PKIB: variants seen among roughly 807,000 people sequenced by gnomAD.
PKIB encodes PKI-beta.
PKIB carries 2 observed loss-of-function variants against 4.5 expected under a neutral mutation model. That is an observed-to-expected ratio of 0.44 (90% CI 0.18 to 1.39). The LOEUF (loss-of-function observed/expected upper bound fraction) is 1.39. Ranked by LOEUF, PKIB falls within the 40% of genes most tolerant of loss-of-function variation. The probability of loss-of-function intolerance (pLI) is 0.27; values close to 1 mark genes in which losing one functional copy is unlikely to be tolerated. For synonymous variants in PKIB, 38 were observed against 36.0 expected (o/e 1.06, Z -0.20); for missense variants, 94 against 92.6 (o/e 1.02, Z -0.06).
intron 3 of PKIB, among the ~76,000 whole-genome samples, chr6:122,680,053 T>C (rs1290636444): frequency 1.3e-5 from 2 of 152,222 alleles, no homozygotes; most frequent in Non-Finnish European, 2.9e-5. Flanking sequence ...AGAACACAAA[T>C]AACTTGGGAC....
intron 2 of PKIB, among the ~76,000 whole-genome samples, chr6:122,659,520 A>G (rs1776903826): frequency 6.6e-6 from 1 of 150,510 alleles, no homozygotes; most frequent in South Asian, 2.1e-4. Flanking sequence ...AAAAGTACTG[A>G]GTAAACTTAA....
chr6:122,555,453 C>A (rs1261801064), intron 2 of PKIB, among the ~76,000 whole-genome samples: 1 of 152,122 alleles, frequency 6.6e-6, no homozygotes, highest in Non-Finnish European at 1.5e-5. Context: ...ATCTTGTAGA[C>A]AGCAGAGAGA....
intron 3 of PKIB, among the ~76,000 whole-genome samples, chr6:122,591,277 T>C (rs1388386643): frequency 6.6e-6 from 1 of 151,872 alleles, no homozygotes; most frequent in Non-Finnish European, 1.5e-5. Flanking sequence ...CTATATGCCT[T>C]TCCTATGAAT....
At chr6:122,678,190 A>C (rs952056610) in intron 3 of PKIB, among the ~76,000 whole-genome samples, 3 of 152,144 alleles carry the variant, frequency 2.0e-5, no homozygotes, top group African/African-American at 7.2e-5. Flanking sequence ...GAGCAAAACC[A>C]GCTTTTCTAG....
rs185624787 is a variant in PKIB at position 122,596,242 on chromosome 6, G to A, written c.-161+10235G>A. Reference sequence around the variant, plus strand: ...CTACAGCTGTCCACTTACGGGTGGTGCCAGCCTGTCATGCAGAACCATCTG... The same window carrying A: ...CTACAGCTGTCCACTTACGGGTGGTACCAGCCTGTCATGCAGAACCATCTG... On this transcript the variant is annotated intron_variant, in intron 3 of 6. Transcript: ENST00000392491. Among the ~76,000 whole-genome samples the A allele has an allele frequency of 3.4e-4, 52 of 152,278 alleles. 1 individual carries two copies. The East Asian group carries it at 8.7e-3, about 26-fold the overall frequency.
chr6:122,611,362 T>C (rs898629825), intron 1 of PKIB, among the ~76,000 whole-genome samples: 5 of 152,234 alleles, frequency 3.3e-5, no homozygotes, highest in Admixed American at 2.6e-4. Flanking sequence ...TCGGGTCCTT[T>C]AGAAAAGTGC....
At chr6:122,483,648 A>C (rs760330109) in intron 2 of PKIB, 2 of 152,250 alleles carry the variant, frequency 1.3e-5, no homozygotes, top group Non-Finnish European at 2.9e-5. Flanking sequence ...AACAATTTTT[A>C]GAAAAATGAC....
intron 3 of PKIB, among the ~76,000 whole-genome samples, chr6:122,706,636 A>G (rs1038483774): frequency 6.6e-6 from 1 of 152,106 alleles, no homozygotes; most frequent in Non-Finnish European, 1.5e-5. Context: ...TTTTATTTCT[A>G]TGATCGTCAG....
chr6:122,510,159 A>G (rs1354000997), intron 2 of PKIB, among the ~76,000 whole-genome samples: 1 of 152,174 alleles, frequency 6.6e-6, no homozygotes, highest in African/African-American at 2.4e-5. Flanking sequence ...GTATTTTCAA[A>G]TACTGAAAAG....
chr6:122,570,090 C>A (rs1437163017), intron 2 of PKIB, among the ~76,000 whole-genome samples: 1 of 152,222 alleles, frequency 6.6e-6, no homozygotes, highest in East Asian at 1.9e-4. Flanking sequence ...AGGAAGAGCA[C>A]TTTCCAGGTC....
chr6:122,670,850 T>C (rs1298994289), intron 2 of PKIB, among the ~76,000 whole-genome samples: 3 of 152,146 alleles, frequency 2.0e-5, no homozygotes, highest in Admixed American at 1.3e-4. Context: ...CTCTTAAGAG[T>C]AGACTTTTAA....
chr6:122,589,889 G>A (rs990861331), intron 3 of PKIB, among the ~76,000 whole-genome samples: 1 of 152,140 alleles, frequency 6.6e-6, no homozygotes, highest in African/African-American at 2.4e-5. Context: ...GTTCAAATAA[G>A]TGATCCTCAA....
intron 3 of PKIB, among the ~76,000 whole-genome samples, chr6:122,694,023 A>G (rs2115007710): frequency 6.6e-6 from 1 of 152,320 alleles, no homozygotes; most frequent in Non-Finnish European, 1.5e-5. Context: ...TAGGCTTCCA[A>G]GGTCGTGCGT....
Position 122,670,384 on chromosome 6 carries a change from G to A in PKIB, c.-75-4694G>A, listed in dbSNP as rs1030648399. 1.1e-4 allele frequency among the ~76,000 whole-genome samples: 17 copies of A among 152,116 alleles called. 1 individual carries two copies. ...CCAGTTTTATAGTCTGCACCCTTTG[G>A]TGGGCCCTTATTGCCCATTGCCAAG... On this transcript the variant is annotated intron_variant, in intron 2 of 4. Coordinates refer to ENST00000368452, the MANE Select transcript of PKIB (RefSeq NM_181795.3).
At chr6:122,571,831 AAAAC>A (rs933996123) in intron 2 of PKIB, among the ~76,000 whole-genome samples, 5 of 152,228 alleles carry the variant, frequency 3.3e-5, no homozygotes, top group Non-Finnish European at 5.9e-5. Context: ...ATAATGAAGA[AAAAC>A]AAAGTATCTA....
At chr6:122,563,740 G>C (rs754626110) in intron 2 of PKIB, among the ~76,000 whole-genome samples, 1 of 152,078 alleles carries the variant, frequency 6.6e-6, no homozygotes, top group Admixed American at 6.5e-5. Context: ...TCAGGGAAGT[G>C]GGGGAAAGCC....
chr6:122,718,208 T>C (rs1378004004), intron 4 of PKIB, among the ~76,000 whole-genome samples: 1 of 152,206 alleles, frequency 6.6e-6, no homozygotes, highest in Non-Finnish European at 1.5e-5. Flanking sequence ...ATGTGTATAG[T>C]CATGCACAAA....
intron 2 of PKIB, among the ~76,000 whole-genome samples, chr6:122,664,121 A>T (rs908346650): frequency 6.6e-6 from 1 of 152,204 alleles, no homozygotes; most frequent in African/African-American, 2.4e-5. Context: ...ATGTGGTGAA[A>T]GTACCAACAA....
chr6:122,619,468 T>C (rs2114783891), intron 1 of PKIB, among the ~76,000 whole-genome samples: 1 of 152,142 alleles, frequency 6.6e-6, no homozygotes, highest in South Asian at 2.1e-4. Flanking sequence ...TCCCTCCCCA[T>C]TGATTTGAAT....
Sources: gnomAD v4.1 joint callset for allele counts (sites outside exome capture counted in the v4.1 genomes callset) on GRCh38, gnomAD v4.1.1 for gene constraint, MANE v1.5 for transcripts, NCBI Gene and HGNC (gene_info 2026-07-23, HGNC 2026-07-21) for gene names.